Variants in VPS13A observed in about 807,000 individuals in gnomAD.
The protein encoded by VPS13A is vacuolar protein sorting 13 homolog A, also known as intermembrane lipid transfer protein VPS13A.
VPS13A carries 264 observed loss-of-function variants against 390.9 expected under a neutral mutation model. That is an observed-to-expected ratio of 0.68 (90% CI 0.61 to 0.75). The LOEUF is 0.75. Ranked by LOEUF, VPS13A falls within the 30% of genes least tolerant of loss-of-function variation. The probability of loss-of-function intolerance (pLI) is 0.00; values close to 1 mark genes in which losing one functional copy is unlikely to be tolerated. For synonymous variants in VPS13A, 1,231 were observed against 1,227.1 expected, an observed-to-expected ratio of 1.00 and a Z score of -0.07; for missense variants, 3,409 against 3,733.9, an observed-to-expected ratio of 0.91 and a Z score of 2.27.
chr9:77,411,380 T>C (rs1022548615), intron 71 of VPS13A, among the ~76,000 whole-genome samples: 2 of 152,034 alleles, frequency 1.3e-5, no homozygotes, highest in African/African-American at 4.8e-5. Context: ...TTAAAAGAAC[T>C]AGGCCGGGCA....
chr9:77,249,963 A>T (rs1380926001), intron 20 of VPS13A, 134 bp from the exon 21 acceptor site: 4 of 955,104 alleles, frequency 4.2e-6, no homozygotes, highest in Non-Finnish European at 6.2e-6. Context: ...GGACCTTTCT[A>T]ATAGCCTTAT....
intron 58 of VPS13A, 78 bp downstream of exon 58, chr9:77,359,480 G>C: frequency 8.0e-7 from 1 of 1,247,152 alleles, no homozygotes; most frequent in Middle Eastern, 2.3e-4. Flanking sequence ...CTCTTTAAAT[G>C]TTGGACAAGT....
chr9:77,369,388 A>C lies in VPS13A; in HGVS notation c.8643A>C (p.Glu2881Asp), dbSNP rs1563966065. The change falls in exon 63 of 72, where the codon GAA (glutamate) becomes GAC (aspartate). Residue 2881 changes from glutamate (E) to aspartate (D), a missense_variant. This residue lies in a region of VPS13A where 30 missense variants were observed against 63.4 expected (regional missense o/e 0.47). Coordinates refer to ENST00000360280, the MANE Select transcript of VPS13A (RefSeq NM_033305.3). ...GLIREFSEGV[E>D]AFFYEPYQGA... ...TTAGAGAATTTTCTGAAGGTGTAGA[A>C]GCATTTTTTTATGAACCTTACCAGG... 6.2e-7 allele frequency: 1 copy of C among 1,612,052 alleles called. No homozygotes were observed. The highest frequency in any genetic ancestry group is 8.5e-7 in the Non-Finnish European group (1 of 1,178,214).
chr9:77,372,228 C>G (rs1249972322), intron 67 of VPS13A, among the ~76,000 whole-genome samples: 2 of 149,900 alleles, frequency 1.3e-5, no homozygotes, highest in Non-Finnish European at 3.0e-5. Flanking sequence ...AATCGCCACA[C>G]TGACTTCCAC....
intron 31 of VPS13A, among the ~76,000 whole-genome samples, chr9:77,287,301 A>G (rs761899584): frequency 1.2e-4 from 18 of 151,312 alleles, no homozygotes; most frequent in Admixed American, 1.1e-3. Context: ...TCCCTGGCCC[A>G]GGTGATCCTC....
Position 77,405,939 on chromosome 9 carries a change from C to G in VPS13A, c.9351C>G (p.Thr3117=), listed in dbSNP as rs1489710495. ...CEWQYSFDEF[T]KEPFIVHGRR... ...GGCAGTATAGTTTTGATGAATTTAC[C>G]AAAGAGCCATTCATTGTTCATGGGA... Residue 3117 remains threonine (T), a synonymous_variant, in exon 70 of 72, where the codon ACC becomes ACG. Transcript: ENST00000360280. 6.2e-7 allele frequency: 1 copy of G among 1,613,794 alleles called. No individual in the cohort carries two copies. Among genetic ancestry groups the G allele is most frequent in the Non-Finnish European group, 8.5e-7 (1 of 1,179,960 alleles).
At chr9:77,307,796 A>G in intron 34 of VPS13A, 149 bp from the exon 35 acceptor site, 1 of 681,144 alleles carries the variant, frequency 1.5e-6, no homozygotes, top group Non-Finnish European at 2.5e-6. Flanking sequence ...TCATTTAGAA[A>G]ACTGAATATT....
At chr9:77,299,916 G>A (rs1828245169) in intron 33 of VPS13A, among the ~76,000 whole-genome samples, 1 of 152,018 alleles carries the variant, frequency 6.6e-6, no homozygotes, top group African/African-American at 2.4e-5. Flanking sequence ...ATCACACAGC[G>A]GGGCCTGTTG....
At chr9:77,224,628 A>T (rs1442086790) in intron 13 of VPS13A, among the ~76,000 whole-genome samples, 1 of 152,198 alleles carries the variant, frequency 6.6e-6, no homozygotes, top group Non-Finnish European at 1.5e-5. Flanking sequence ...ACTTTAACCA[A>T]TGAGGAGCTG....
At chr9:77,185,316 A>G (rs1389252164) in intron 1 of VPS13A, among the ~76,000 whole-genome samples, 1 of 151,992 alleles carries the variant, frequency 6.6e-6, no homozygotes, top group Admixed American at 6.6e-5. Flanking sequence ...TACTTTTTGT[A>G]TTTTTAGTAG....
At chr9:77,414,637 T>A (rs1204547324) in intron 71 of VPS13A, among the ~76,000 whole-genome samples, 1 of 151,832 alleles carries the variant, frequency 6.6e-6, no homozygotes, top group East Asian at 1.9e-4. Flanking sequence ...ATACCTAATG[T>A]TAAATGACGA....
At chr9:77,346,554 T>C (rs147897341) in intron 52 of VPS13A, among the ~76,000 whole-genome samples, 86 of 152,338 alleles carry the variant, frequency 5.6e-4, no homozygotes, top group African/African-American at 1.9e-3. Flanking sequence ...ATTTTTATTT[T>C]GTTGCATTTG....
chr9:77,259,917 T>C (rs536054489), intron 22 of VPS13A, among the ~76,000 whole-genome samples, 169 bp from the exon 23 acceptor site: 3 of 152,312 alleles, frequency 2.0e-5, no homozygotes, highest in East Asian at 1.9e-4. Flanking sequence ...ATAATGAGTT[T>C]AGCCCATCTA....
At chr9:77,191,077 G>T (rs1339672206) in intron 1 of VPS13A, among the ~76,000 whole-genome samples, 1 of 150,270 alleles carries the variant, frequency 6.7e-6, no homozygotes, top group Non-Finnish European at 1.5e-5. Flanking sequence ...TTTCTTTTCT[G>T]TGGCTAGCTT....
At chr9:77,190,569 C>T (rs1824613570) in intron 1 of VPS13A, among the ~76,000 whole-genome samples, 1 of 152,156 alleles carries the variant, frequency 6.6e-6, no homozygotes, top group African/African-American at 2.4e-5. Context: ...GTTTTGTTAT[C>T]AGAATGATGC....
At chr9:77,369,056 G>A (rs1472557647) in intron 62 of VPS13A, among the ~76,000 whole-genome samples, 4 of 152,104 alleles carry the variant, frequency 2.6e-5, no homozygotes, top group African/African-American at 7.2e-5. Flanking sequence ...GCTTGAACCC[G>A]TGAGGCAGAG....
At chr9:77,347,324 T>C (rs1457771068) in intron 52 of VPS13A, among the ~76,000 whole-genome samples, 1 of 152,206 alleles carries the variant, frequency 6.6e-6, no homozygotes, top group African/African-American at 2.4e-5. Context: ...GAGCATGAGA[T>C]GTGTTTCCAT....
chr9:77,404,764 G>A (rs1834523800), intron 69 of VPS13A, among the ~76,000 whole-genome samples: 2 of 152,186 alleles, frequency 1.3e-5, no homozygotes, highest in Admixed American at 1.3e-4. Flanking sequence ...TCGGGTTTGA[G>A]GATAAAGGAT....
At chr9:77,292,185 A>C (rs77818265) in intron 31 of VPS13A, among the ~76,000 whole-genome samples, 1 of 152,016 alleles carries the variant, frequency 6.6e-6, no homozygotes, top group African/African-American at 2.4e-5. Flanking sequence ...ACTTGCACCC[A>C]TCTCCCGTCT....
Sources: allele counts gnomAD v4.1 joint callset (sites outside exome capture counted in the v4.1 genomes callset), GRCh38; gene constraint gnomAD v4.1.1; regional missense constraint gnomAD v4.1.1; transcripts MANE v1.5; gene names NCBI Gene and HGNC (gene_info 2026-07-23, HGNC 2026-07-21).